Variants in PCSK2 observed in about 807,000 individuals in gnomAD.
The protein encoded by PCSK2 is proprotein convertase subtilisin/kexin type 2, also known as neuroendocrine convertase 2.
Under a neutral mutation model 69.7 loss-of-function variants are expected in PCSK2, and 14 were observed. The ratio of observed to expected loss-of-function variants is 0.20; its 90% CI spans 0.13 to 0.31. PCSK2 has a LOEUF of 0.31. Among genes scored for constraint, PCSK2 ranks in the 10% least tolerant of loss-of-function variants. The pLI, the probability that PCSK2 is intolerant of heterozygous loss-of-function variation, is 1.00. For synonymous variants in PCSK2, 307 were observed against 320.7 expected, an observed-to-expected ratio of 0.96 and a Z score of 0.46; for missense variants, 544 against 842.5, an observed-to-expected ratio of 0.65 and a Z score of 4.39.
chr20:17,480,644 T>C lies in PCSK2; in HGVS notation c.1431-940T>C, dbSNP rs550754535. On this transcript the variant is annotated intron_variant, in intron 11 of 11. Transcript: ENST00000262545. ...AGACAAGACTTGGGTGCTGACAGTT[T>C]TTTGAGAAATGATCCCAGGTAACAC... is the stretch of plus-strand genomic sequence containing the variant. 2.0e-5 allele frequency among the ~76,000 whole-genome samples: 3 copies of C among 152,314 alleles called. No individual in the cohort carries two copies. The South Asian group carries it at 6.2e-4, about 32-fold the overall frequency.
intron 2 of PCSK2, among the ~76,000 whole-genome samples, chr20:17,319,319 G>A (rs571315743): frequency 2.5e-4 from 38 of 152,276 alleles, no homozygotes; most frequent in African/African-American, 7.5e-4. Flanking sequence ...GATGAGTTCC[G>A]CTAGGCGGAT....
chr20:17,281,038 A>T (rs1173297765), intron 2 of PCSK2, among the ~76,000 whole-genome samples: 1 of 152,122 alleles, frequency 6.6e-6, no homozygotes, highest in Non-Finnish European at 1.5e-5. Flanking sequence ...TTTTTCCTGG[A>T]GACTTCTTTC....
intron 8 of PCSK2, among the ~76,000 whole-genome samples, chr20:17,452,493 C>A (rs1332886123): frequency 6.6e-6 from 1 of 152,230 alleles, no homozygotes; most frequent in Non-Finnish European, 1.5e-5. Flanking sequence ...GTAATCCAGT[C>A]ATCTCTCTTC....
At chr20:17,425,881 C>T (rs78346437) in intron 6 of PCSK2, among the ~76,000 whole-genome samples, 1,992 of 152,236 alleles carry the variant, frequency 0.013, 48 homozygotes, top group African/African-American at 0.046. Context: ...TAGCATTTAC[C>T]CATCTGCTCA....
chr20:17,313,709 G>C (rs1568598573), intron 2 of PCSK2, among the ~76,000 whole-genome samples: 1 of 152,066 alleles, frequency 6.6e-6, no homozygotes, highest in South Asian at 2.1e-4. Flanking sequence ...CCCAACAATA[G>C]GCTATAATTT....
chr20:17,454,163 C>T (rs900297055), intron 9 of PCSK2, among the ~76,000 whole-genome samples: 2 of 152,204 alleles, frequency 1.3e-5, no homozygotes, highest in Admixed American at 6.5e-5. Flanking sequence ...GTAGCATGAT[C>T]GGTGAGGACT....
intron 2 of PCSK2, among the ~76,000 whole-genome samples, chr20:17,280,527 A>G (rs540209890): frequency 4.1e-4 from 62 of 152,300 alleles, no homozygotes; most frequent in African/African-American, 1.4e-3. Flanking sequence ...TCAACTTCAG[A>G]GTCACCCAGA....
At chr20:17,283,746 G>GA in intron 2 of PCSK2, among the ~76,000 whole-genome samples, 1 of 152,288 alleles carries the variant, frequency 6.6e-6, no homozygotes, top group African/African-American at 2.4e-5. Flanking sequence ...TCATGCTAGA[G>GA]AAAAAGGCAG....
At chr20:17,343,411 C>G (rs1478935769) in intron 2 of PCSK2, among the ~76,000 whole-genome samples, 1 of 152,222 alleles carries the variant, frequency 6.6e-6, no homozygotes, top group African/African-American at 2.4e-5. Flanking sequence ...TTTTCACTAT[C>G]TGCCAGCCAT....
intron 8 of PCSK2, among the ~76,000 whole-genome samples, chr20:17,449,530 A>G (rs977046461): frequency 6.8e-6 from 1 of 147,236 alleles, no homozygotes; most frequent in African/African-American, 2.5e-5. Flanking sequence ...ATGTATGTAT[A>G]TATATATATG....
intron 2 of PCSK2, among the ~76,000 whole-genome samples, chr20:17,271,987 A>C (rs1056751064): frequency 1.1e-4 from 17 of 152,100 alleles, no homozygotes; most frequent in Non-Finnish European, 1.9e-4. Context: ...GTTCTTCCTT[A>C]AGGGAATTCC....
At chr20:17,445,266 C>T (rs957966286) in intron 8 of PCSK2, among the ~76,000 whole-genome samples, 13 of 152,238 alleles carry the variant, frequency 8.5e-5, no homozygotes, top group African/African-American at 3.1e-4. Flanking sequence ...AAAGTGACAA[C>T]TGATTCATGA....
At chr20:17,442,698 G>C (rs1463341307) in intron 8 of PCSK2, among the ~76,000 whole-genome samples, 1 of 152,214 alleles carries the variant, frequency 6.6e-6, no homozygotes, top group Non-Finnish European at 1.5e-5. Flanking sequence ...GGAGAGTGCT[G>C]TGCTGAAATG....
chr20:17,301,083 G>T (rs1382888655), intron 2 of PCSK2, among the ~76,000 whole-genome samples: 1 of 152,206 alleles, frequency 6.6e-6, no homozygotes, highest in Non-Finnish European at 1.5e-5. Context: ...TTGTTAAAAA[G>T]CCTTCTAAAA....
At chr20:17,339,663 C>T (rs1294499553) in intron 2 of PCSK2, among the ~76,000 whole-genome samples, 4 of 152,214 alleles carry the variant, frequency 2.6e-5, no homozygotes, top group East Asian at 1.9e-4. Flanking sequence ...TGTTTTGCTT[C>T]GTGGCTTTTC....
At chr20:17,388,652 G>T (rs891483605) in intron 5 of PCSK2, among the ~76,000 whole-genome samples, 24 of 152,200 alleles carry the variant, frequency 1.6e-4, no homozygotes, top group African/African-American at 5.8e-4. Flanking sequence ...AAGGAGTCTT[G>T]TGCACAGGAA....
At chr20:17,379,791 G>T (rs1260542500) in intron 5 of PCSK2, among the ~76,000 whole-genome samples, 1 of 152,210 alleles carries the variant, frequency 6.6e-6, no homozygotes, top group African/African-American at 2.4e-5. Context: ...CGCCTAATCA[G>T]TTGACTTTAA....
At chr20:17,417,454 G>C (rs2032025540) in intron 6 of PCSK2, among the ~76,000 whole-genome samples, 1 of 152,106 alleles carries the variant, frequency 6.6e-6, no homozygotes, top group Non-Finnish European at 1.5e-5. Context: ...CCAGTAAATG[G>C]GTTCTTTTCA....
intron 4 of PCSK2, among the ~76,000 whole-genome samples, chr20:17,368,071 GA>G (rs1321691256): frequency 6.7e-6 from 1 of 150,164 alleles, no homozygotes; most frequent in Non-Finnish European, 1.5e-5. Flanking sequence ...TGTATAACCG[GA>G]AAAAAAAAGA....
Sources: gnomAD v4.1 joint callset for allele counts (sites outside exome capture counted in the v4.1 genomes callset) on GRCh38, gnomAD v4.1.1 for gene constraint, MANE v1.5 for transcripts, NCBI Gene and HGNC (gene_info 2026-07-23, HGNC 2026-07-21) for gene names.